Variants in HPSE2 observed in about 807,000 individuals in gnomAD.
HPSE2 encodes heparanase 2 (inactive), also known as inactive heparanase-2.
In HPSE2, 38 loss-of-function variants were observed where a neutral mutation model predicts 60.5. The ratio of observed to expected loss-of-function variants is 0.63; its 90% CI spans 0.48 to 0.82. HPSE2 has a LOEUF of 0.82. HPSE2 is among the 40% of genes least tolerant of loss of function. The pLI, the probability that HPSE2 is intolerant of heterozygous loss-of-function variation, is 0.00. For missense variants in HPSE2, 713 were observed against 740.4 expected (o/e 0.96, Z 0.43); for synonymous variants, 295 against 293.2 (o/e 1.01, Z -0.06).
Position 98,741,692 on chromosome 10 carries a change from A to T in HPSE2, c.784+2191T>A, listed in dbSNP as rs543681345. On this transcript the variant is annotated intron_variant, in intron 4 of 11. Transcript: ENST00000370552. ...TTGGGCGTATCTATTATTAGTTGAG[A>T]TGTTTTACAAACCAGTTTTATGTAG... 4.6e-5 allele frequency among the ~76,000 whole-genome samples: 7 copies of T among 152,316 alleles called. No individual in the cohort carries two copies. The South Asian group carries it at 1.2e-3, about 27-fold the overall frequency.
intron 9 of HPSE2, among the ~76,000 whole-genome samples, chr10:98,574,042 C>T (rs941899846): frequency 5.9e-5 from 9 of 152,090 alleles, no homozygotes; most frequent in Admixed American, 6.5e-5. Flanking sequence ...TCTCATCCCC[C>T]AACCCCTTAC....
chr10:98,666,516 T>C (rs79932106), intron 6 of HPSE2, among the ~76,000 whole-genome samples: 2,186 of 152,288 alleles, frequency 0.014, 60 homozygotes, highest in African/African-American at 0.049. Flanking sequence ...TATTCTAAGA[T>C]TGACTACATG....
At chr10:98,605,586 C>T (rs1353784357) in intron 9 of HPSE2, among the ~76,000 whole-genome samples, 1 of 144,092 alleles carries the variant, frequency 6.9e-6, no homozygotes, top group Non-Finnish European at 1.6e-5. Context: ...GGGCCAGTGA[C>T]AGGGAAACTC....
intron 3 of HPSE2, among the ~76,000 whole-genome samples, chr10:99,103,537 T>A (rs1844104651): frequency 6.6e-6 from 1 of 152,108 alleles, no homozygotes; most frequent in African/African-American, 2.4e-5. Flanking sequence ...AGAATCGATA[T>A]CGTGAAAATG....
chr10:98,978,281 G>A (rs1956132484), intron 3 of HPSE2, among the ~76,000 whole-genome samples: 1 of 151,970 alleles, frequency 6.6e-6, no homozygotes, highest in Non-Finnish European at 1.5e-5. Flanking sequence ...TTTTCTATAA[G>A]CAGGCCTTTA....
chr10:99,302,141 G>A, the HPSE2 span, among the ~76,000 whole-genome samples: 1 of 151,930 alleles, frequency 6.6e-6, no homozygotes, highest in Non-Finnish European at 1.5e-5. Flanking sequence ...CAGTCACTAA[G>A]GCAAAAACAT....
intron 6 of HPSE2, among the ~76,000 whole-genome samples, chr10:98,668,013 T>C (rs1947412361): frequency 6.6e-6 from 1 of 152,140 alleles, no homozygotes; most frequent in Non-Finnish European, 1.5e-5. Context: ...GATGATATAA[T>C]TTTATGCATA....
At chr10:98,604,377 T>C (rs1268432088) in intron 9 of HPSE2, among the ~76,000 whole-genome samples, 7 of 151,910 alleles carry the variant, frequency 4.6e-5, no homozygotes, top group Admixed American at 1.3e-4. Flanking sequence ...AGATTATTAG[T>C]AGACTGGACA....
At chr10:98,541,621 T>C (rs542919162) in intron 9 of HPSE2, among the ~76,000 whole-genome samples, 3 of 152,334 alleles carry the variant, frequency 2.0e-5, no homozygotes, top group East Asian at 1.9e-4. Flanking sequence ...ACCCGAATAC[T>C]GCGCTTTTCT....
chr10:99,114,747 C>T (rs1380734490), intron 3 of HPSE2, among the ~76,000 whole-genome samples: 1 of 151,376 alleles, frequency 6.6e-6, no homozygotes, highest in Non-Finnish European at 1.5e-5. Flanking sequence ...ATCCCGTCTC[C>T]ACTAAAAATA....
chr10:98,928,985 T>TAAA (rs1590097356), intron 3 of HPSE2, among the ~76,000 whole-genome samples: 1 of 71,722 alleles, frequency 1.4e-5, no homozygotes, highest in East Asian at 4.2e-4. Context: ...ACTTAAAGTA[T>TAAA]AATAATAAAT....
chr10:99,171,498 T>C, intron 2 of HPSE2, among the ~76,000 whole-genome samples: 1 of 152,054 alleles, frequency 6.6e-6, no homozygotes, highest in Non-Finnish European at 1.5e-5. Flanking sequence ...CTCTTACTCC[T>C]CACCCTAAAC....
rs11189990 is a variant in HPSE2 at position 99,140,158 on chromosome 10, C to G, written c.610+4080G>C. The stretch of plus-strand genomic sequence containing the variant: ...TGTTTCACTGATTTGCACACTGTTG[C>G]TCAATTGAAGTTAATAGAATGGGCC... On this transcript the variant is annotated intron_variant, in intron 3 of 11. Coordinates refer to ENST00000370552, the MANE Select transcript of HPSE2 (RefSeq NM_021828.5). 8.2e-4 allele frequency among the ~76,000 whole-genome samples: 125 copies of G among 152,232 alleles called. No homozygotes were observed. The East Asian group carries it at 0.023, about 28-fold the overall frequency.
chr10:99,258,968 C>T, the HPSE2 span, among the ~76,000 whole-genome samples: 1 of 152,016 alleles, frequency 6.6e-6, no homozygotes, highest in Admixed American at 6.6e-5. Context: ...CTCTTAGATG[C>T]AACACAATAA....
intron 3 of HPSE2, among the ~76,000 whole-genome samples, chr10:98,909,450 G>A (rs919987691): frequency 9.2e-5 from 14 of 151,504 alleles, no homozygotes; most frequent in Admixed American, 9.2e-4. Context: ...CCAACATGGT[G>A]AAACCCTGTC....
chr10:99,106,323 A>T (rs367928342), intron 3 of HPSE2, among the ~76,000 whole-genome samples: 50 of 152,084 alleles, frequency 3.3e-4, no homozygotes, highest in African/African-American at 1.2e-3. Flanking sequence ...TACTTTTGTT[A>T]AATTGTTGGT....
chr10:98,672,495 TG>T (rs1947532289), intron 6 of HPSE2, among the ~76,000 whole-genome samples: 1 of 152,214 alleles, frequency 6.6e-6, no homozygotes. Context: ...AAGATGATGA[TG>T]GCGGTGGTGA....
At chr10:98,810,818 T>C (rs887158319) in intron 3 of HPSE2, among the ~76,000 whole-genome samples, 3 of 152,130 alleles carry the variant, frequency 2.0e-5, no homozygotes, top group Admixed American at 1.3e-4. Context: ...TTTAAGAAAC[T>C]TTACAAATTT....
chr10:99,096,822 T>C (rs1443961951), intron 3 of HPSE2, among the ~76,000 whole-genome samples: 5 of 152,138 alleles, frequency 3.3e-5, no homozygotes, highest in Non-Finnish European at 5.9e-5. Flanking sequence ...ATATGGGACT[T>C]TCTATGTTCA....
Sources: gnomAD v4.1 joint callset for allele counts (sites outside exome capture counted in the v4.1 genomes callset) on GRCh38, gnomAD v4.1.1 for gene constraint, MANE v1.5 for transcripts, NCBI Gene and HGNC (gene_info 2026-07-23, HGNC 2026-07-21) for gene names.